The following SORCS1 variants were observed in gnomAD, a reference collection of about 807,000 sequenced individuals.
SORCS1 encodes VPS10 domain-containing receptor SorCS1.
Under a neutral mutation model 146.1 loss-of-function variants are expected in SORCS1, and 60 were observed. That is an observed-to-expected ratio of 0.41 (90% confidence interval 0.33 to 0.51). The LOEUF is 0.51. Among genes scored for constraint, SORCS1 ranks in the 20% least tolerant of loss-of-function variants. The pLI, the probability that SORCS1 is intolerant of heterozygous loss-of-function variation, is 0.21. For synonymous variants in SORCS1, 637 were observed against 584.0 expected, an observed-to-expected ratio of 1.09 and a Z score of -1.31; for missense variants, 1,352 against 1,487.6, an observed-to-expected ratio of 0.91 and a Z score of 1.50.
chr10:106,792,949 G>A (rs564332568), intron 3 of SORCS1, among the ~76,000 whole-genome samples: 263 of 152,250 alleles, frequency 1.7e-3, no homozygotes, highest in Non-Finnish European at 3.0e-3. Flanking sequence ...TTTGTGGGAT[G>A]AGCAGATGTT....
At chr10:106,966,602 A>G (rs1009011092) in intron 1 of SORCS1, among the ~76,000 whole-genome samples, 4 of 152,238 alleles carry the variant, frequency 2.6e-5, no homozygotes, top group African/African-American at 9.6e-5. Context: ...TTGCAGACAG[A>G]GCTAGGGACA....
At chr10:106,922,280 G>T (rs886573554) in intron 2 of SORCS1, among the ~76,000 whole-genome samples, 1 of 152,174 alleles carries the variant, frequency 6.6e-6, no homozygotes. Context: ...CCTCAACAGA[G>T]TAAGAAATGA....
intron 2 of SORCS1, among the ~76,000 whole-genome samples, chr10:106,851,428 T>C (rs1471459600): frequency 6.6e-6 from 1 of 152,254 alleles, no homozygotes; most frequent in Non-Finnish European, 1.5e-5. Flanking sequence ...TGCCTGTGGG[T>C]GTCCAGTTGT....
At chr10:107,005,790 T>C (rs988932377) in intron 1 of SORCS1, among the ~76,000 whole-genome samples, 1 of 152,254 alleles carries the variant, frequency 6.6e-6, no homozygotes, top group Admixed American at 6.5e-5. Context: ...GATTCTCACA[T>C]ATTTTGTGAT....
intron 21 of SORCS1, among the ~76,000 whole-genome samples, chr10:106,613,704 T>C (rs1326786683): frequency 6.6e-6 from 1 of 152,188 alleles, no homozygotes; most frequent in East Asian, 1.9e-4. Flanking sequence ...CCCTAAAACC[T>C]GCCAGTGCCT....
intron 24 of SORCS1, among the ~76,000 whole-genome samples, chr10:106,589,784 A>G (rs1235892394): frequency 6.6e-6 from 1 of 151,572 alleles, no homozygotes; most frequent in Non-Finnish European, 1.5e-5. Flanking sequence ...TTGCCACTTG[A>G]GTTGTAAACT....
intron 17 of SORCS1, among the ~76,000 whole-genome samples, chr10:106,662,847 G>C (rs543571193): frequency 2.0e-5 from 3 of 152,114 alleles, no homozygotes; most frequent in African/African-American, 7.2e-5. Context: ...TTTAAAGGAG[G>C]ACGGCACTTA....
At chr10:107,008,876 C>T (rs1008871885) in intron 1 of SORCS1, among the ~76,000 whole-genome samples, 2 of 152,164 alleles carry the variant, frequency 1.3e-5, no homozygotes, top group Non-Finnish European at 2.9e-5. Flanking sequence ...GGGTGCCTGT[C>T]GTCCCAGTTG....
At chr10:106,946,224 G>T (rs1303151697) in intron 2 of SORCS1, among the ~76,000 whole-genome samples, 1 of 152,138 alleles carries the variant, frequency 6.6e-6, no homozygotes, top group Non-Finnish European at 1.5e-5. Flanking sequence ...AAAGCAAAAA[G>T]CATTTAATGA....
At chr10:106,730,890 C>T (rs1301960670) in intron 5 of SORCS1, among the ~76,000 whole-genome samples, 1 of 152,122 alleles carries the variant, frequency 6.6e-6, no homozygotes, top group African/African-American at 2.4e-5. Flanking sequence ...TCAGGCTTTG[C>T]AGAACTTTAA....
At chr10:107,142,741 T>C (rs973059537) in intron 1 of SORCS1, among the ~76,000 whole-genome samples, 6 of 152,144 alleles carry the variant, frequency 3.9e-5, no homozygotes, top group Admixed American at 6.5e-5. Context: ...CACTAGATCA[T>C]AGGTAGGGTG....
At position 107,101,749 on chromosome 10, in the gene SORCS1, ATGTG is replaced by A. The variant is rs34645920; in HGVS notation, c.558+62216_558+62219del. ...GAAACAAATCTTCCATGGGCTAATT[ATGTG>A]TGTGTGTGTGTGTGTGTGTGTGTGT... On this transcript the variant is annotated intron_variant, in intron 1 of 25. Coordinates refer to ENST00000263054, the MANE Select transcript of SORCS1 (RefSeq NM_052918.5). Among the ~76,000 whole-genome samples the A allele has an allele frequency of 1.2e-3, 183 of 147,336 alleles. 2 individuals carry two copies. Among genetic ancestry groups the A allele is most frequent in the African/African-American group, 4.3e-3 (175 of 40,346 alleles).
chr10:106,696,933 C>T (rs1437179193), intron 9 of SORCS1, among the ~76,000 whole-genome samples: 4 of 152,066 alleles, frequency 2.6e-5, no homozygotes, highest in Non-Finnish European at 5.9e-5. Context: ...AAAATGGAAC[C>T]TGAAAGTCAG....
At chr10:106,622,897 G>T (rs1847845412) in intron 19 of SORCS1, among the ~76,000 whole-genome samples, 9 of 152,150 alleles carry the variant, frequency 5.9e-5, no homozygotes, top group Admixed American at 5.9e-4. Flanking sequence ...AAACAAAATA[G>T]CTATTAAGAG....
At chr10:106,827,794 T>C (rs1372516107) in intron 3 of SORCS1, among the ~76,000 whole-genome samples, 8 of 152,180 alleles carry the variant, frequency 5.3e-5, no homozygotes, top group African/African-American at 1.9e-4. Flanking sequence ...GTTGACAGTA[T>C]TGGTTGTGTG....
At chr10:106,734,542 T>C (rs10884346) in intron 5 of SORCS1, among the ~76,000 whole-genome samples, 1 of 151,730 alleles carries the variant, frequency 6.6e-6, no homozygotes, top group East Asian at 1.9e-4. Flanking sequence ...ATGCCACAGA[T>C]AGATTAGCAA....
chr10:107,043,861 A>G (rs937778100), intron 1 of SORCS1, among the ~76,000 whole-genome samples: 7 of 152,238 alleles, frequency 4.6e-5, no homozygotes, highest in African/African-American at 1.7e-4. Flanking sequence ...TGTTCAACAC[A>G]TAGTCATTGA....
At chr10:107,051,432 A>T (rs1350675879) in intron 1 of SORCS1, among the ~76,000 whole-genome samples, 1 of 152,200 alleles carries the variant, frequency 6.6e-6, no homozygotes, top group Non-Finnish European at 1.5e-5. Flanking sequence ...AACCTGAAAG[A>T]TGTTTACAAT....
chr10:106,708,613 T>C (rs1371012290), intron 7 of SORCS1, among the ~76,000 whole-genome samples: 1 of 152,188 alleles, frequency 6.6e-6, no homozygotes, highest in Non-Finnish European at 1.5e-5. Flanking sequence ...GTCAGCTTCT[T>C]AAACTGTTCT....
Sources: gnomAD v4.1 joint callset for allele counts (sites outside exome capture counted in the v4.1 genomes callset) on GRCh38, gnomAD v4.1.1 for gene constraint, MANE v1.5 for transcripts, NCBI Gene and HGNC (gene_info 2026-07-23, HGNC 2026-07-21) for gene names.